CAMTA1: variants seen among roughly 807,000 people sequenced by gnomAD.
CAMTA1 encodes calmodulin binding transcription activator 1.
In CAMTA1, 27 loss-of-function variants were observed where a neutral mutation model predicts 170.9. That is an observed-to-expected ratio of 0.16 (90% CI 0.12 to 0.22). The LOEUF (loss-of-function observed/expected upper bound fraction) is 0.22, where lower values mean the gene tolerates loss of function less well. Ranked by LOEUF, CAMTA1 falls within the 10% of genes least tolerant of loss-of-function variation. The pLI, the probability that CAMTA1 is intolerant of heterozygous loss-of-function variation, is 1.00. For missense variants in CAMTA1, 1,619 were observed against 2,217.2 expected (o/e 0.73, Z 5.42); for synonymous variants, 833 against 891.5 (o/e 0.93, Z 1.17).
At chr1:6,898,661 G>A (rs967884765) in intron 3 of CAMTA1, among the ~76,000 whole-genome samples, 1 of 152,200 alleles carries the variant, frequency 6.6e-6, no homozygotes, top group African/African-American at 2.4e-5. Flanking sequence ...GTTATCCTGG[G>A]TGGAGTTGGT....
intron 5 of CAMTA1, among the ~76,000 whole-genome samples, chr1:7,394,615 C>A (rs181563267): frequency 2.8e-4 from 43 of 152,284 alleles, no homozygotes; most frequent in African/African-American, 1.0e-3. Flanking sequence ...ACACAGTTTG[C>A]AAATATTTTC....
intron 5 of CAMTA1, among the ~76,000 whole-genome samples, chr1:7,354,134 C>G (rs903311324): frequency 1.3e-5 from 2 of 151,708 alleles, no homozygotes; most frequent in African/African-American, 4.9e-5. Context: ...GCATATGTAC[C>G]ACATTTTCTT....
Position 7,736,292 on chromosome 1 carries a change from G to A in CAMTA1, c.3067-52G>A. ...GTTTCCCCTACATCGAAGCGCTGATGGGGTCGAGGGCCTTTAGTCCTGAGG... is the reference window on the plus strand; with the variant it reads ...GTTTCCCCTACATCGAAGCGCTGATAGGGTCGAGGGCCTTTAGTCCTGAGG... On this transcript the variant is annotated intron_variant, in intron 12 of 22. Transcript: ENST00000303635. This position sits in a 1 kb window ranked among gnomAD's most constrained non-coding sequence, Gnocchi z 4.5. The A allele has an allele frequency of 1.8e-5, 27 of 1,494,406 alleles. No homozygotes were observed. The highest frequency in any genetic ancestry group is 2.5e-5 in the Non-Finnish European group (27 of 1,082,742). 92.6% of individuals were successfully genotyped at this position (1,494,406 alleles called of 1,614,324 possible).
intron 1 of CAMTA1, among the ~76,000 whole-genome samples, chr1:6,794,508 A>T (rs1641958746): frequency 6.6e-6 from 1 of 152,256 alleles, no homozygotes; most frequent in South Asian, 2.1e-4. Context: ...AATTAAAAAA[A>T]ATCCATTTTG....
chr1:7,567,211 G>A (rs919418078), intron 6 of CAMTA1, among the ~76,000 whole-genome samples: 2 of 152,230 alleles, frequency 1.3e-5, no homozygotes, highest in African/African-American at 4.8e-5. Context: ...GCCCATGGTG[G>A]CAGCGGAGGA....
chr1:7,715,357 G>A (rs564911344), intron 11 of CAMTA1, among the ~76,000 whole-genome samples: 2 of 152,290 alleles, frequency 1.3e-5, no homozygotes, highest in African/African-American at 4.8e-5. Flanking sequence ...ACCACTTGGG[G>A]GGGTTCTGTA....
chr1:7,557,218 G>A (rs953929075), intron 6 of CAMTA1, among the ~76,000 whole-genome samples: 5 of 151,824 alleles, frequency 3.3e-5, no homozygotes, highest in African/African-American at 1.2e-4. Context: ...TGAGGCAGGA[G>A]AATTGCTTGA....
At chr1:7,139,149 A>G (rs2148599433) in intron 4 of CAMTA1, among the ~76,000 whole-genome samples, 1 of 140,264 alleles carries the variant, frequency 7.1e-6, no homozygotes, top group African/African-American at 2.6e-5. Flanking sequence ...AAACAAATAT[A>G]TAAATATAAA....
chr1:6,918,861 G>A lies in CAMTA1; in HGVS notation c.234+93651G>A, dbSNP rs1206661337. 2.0e-5 allele frequency among the ~76,000 whole-genome samples: 3 copies of A among 152,176 alleles called. No homozygotes were observed. Among genetic ancestry groups the A allele is most frequent in the African/African-American group, 4.8e-5 (2 of 41,438 alleles). ...CAGAGAAGAAAGGAGGGTCTGAATCGGGCCCAGCAGAACTAGCCGCTCTCA... is the reference window on the plus strand; with the variant it reads ...CAGAGAAGAAAGGAGGGTCTGAATCAGGCCCAGCAGAACTAGCCGCTCTCA... On this transcript the variant is annotated intron_variant, in intron 3 of 22. Coordinates refer to ENST00000303635, the MANE Select transcript of CAMTA1 (RefSeq NM_015215.4). This position sits in a 1 kb window ranked among gnomAD's most constrained non-coding sequence, Gnocchi z 4.0.
At chr1:7,059,109 C>T (rs774467594) in intron 3 of CAMTA1, among the ~76,000 whole-genome samples, 8 of 152,202 alleles carry the variant, frequency 5.3e-5, no homozygotes, top group Non-Finnish European at 1.2e-4. Context: ...TCCTTGGGAT[C>T]CCCCAGTGCC....
chr1:6,796,283 A>ACG (rs1184052619), intron 1 of CAMTA1, among the ~76,000 whole-genome samples: 1 of 151,748 alleles, frequency 6.6e-6, no homozygotes, highest in African/African-American at 2.4e-5. Flanking sequence ...GACTACAGGC[A>ACG]CGCGCCACCA....
intron 6 of CAMTA1, among the ~76,000 whole-genome samples, chr1:7,589,044 C>CATT (rs1470398848): frequency 6.6e-6 from 1 of 152,232 alleles, no homozygotes; most frequent in Non-Finnish European, 1.5e-5. Context: ...TAACTGCTTC[C>CATT]ATTAGCATTC....
At chr1:6,974,487 G>A (rs1037474430) in intron 3 of CAMTA1, among the ~76,000 whole-genome samples, 3 of 152,220 alleles carry the variant, frequency 2.0e-5, no homozygotes, top group African/African-American at 7.2e-5. Flanking sequence ...ACAAGCTGAG[G>A]GATTGAAGTA....
At chr1:7,672,025 C>A (rs1458975925) in intron 10 of CAMTA1, 1 of 456,226 alleles carries the variant, frequency 2.2e-6, no homozygotes. Flanking sequence ...GCTGGCAGGA[C>A]TCCCTTGGCT....
chr1:7,644,577 G>A (rs538817410), intron 7 of CAMTA1, among the ~76,000 whole-genome samples: 1 of 152,020 alleles, frequency 6.6e-6, no homozygotes, highest in South Asian at 2.1e-4. Flanking sequence ...CTAGGGCTTT[G>A]CCTTCTTTTA....
chr1:7,746,690 T>G (rs962398572), intron 18 of CAMTA1, among the ~76,000 whole-genome samples: 3 of 152,222 alleles, frequency 2.0e-5, no homozygotes, highest in Non-Finnish European at 4.4e-5. Context: ...GCTGGAGAAG[T>G]GCAGTGGTGC....
At chr1:7,494,263 A>T (rs2093789689) in intron 6 of CAMTA1, among the ~76,000 whole-genome samples, 1 of 152,176 alleles carries the variant, frequency 6.6e-6, no homozygotes, top group Non-Finnish European at 1.5e-5. Context: ...GCCTGCCAAG[A>T]TGTTAGCTAA....
At chr1:7,196,019 AG>A (rs1473574342) in intron 4 of CAMTA1, among the ~76,000 whole-genome samples, 4 of 152,140 alleles carry the variant, frequency 2.6e-5, no homozygotes, top group Non-Finnish European at 1.5e-5. Flanking sequence ...ACTGTCTCAA[AG>A]AAAAAAAAAA....
In CAMTA1 at chr1:6,989,569, G is replaced by A. The variant is rs182848630; in HGVS notation, c.235-101735G>A. 5.9e-5 allele frequency among the ~76,000 whole-genome samples: 9 copies of A among 152,268 alleles called. No individual in the cohort carries two copies. The East Asian group carries it at 9.7e-4, about 16-fold the overall frequency. ...CAAACAAGATTTATGAGAACTCACC[G>A]TTCAAGGTATCTGCTCTGTTATTGC... On this transcript the variant is annotated intron_variant, in intron 3 of 22. Transcript: ENST00000303635.
Sources: allele counts gnomAD v4.1 joint callset (sites outside exome capture counted in the v4.1 genomes callset), GRCh38; gene constraint gnomAD v4.1.1; non-coding constraint Gnocchi (gnomAD v3.1); transcripts MANE v1.5; gene names NCBI Gene and HGNC (gene_info 2026-07-23, HGNC 2026-07-21).